TBC1D32: variants seen among roughly 807,000 people sequenced by gnomAD.
The protein encoded by TBC1D32 is protein broad-minded.
In TBC1D32, 151 loss-of-function variants were observed where a neutral mutation model predicts 170.3. The observed-to-expected ratio is 0.89, with a 90% CI of 0.78 to 1.01. The LOEUF is 1.01. TBC1D32 is among the 50% of genes least tolerant of loss of function. The pLI, the probability that TBC1D32 is intolerant of heterozygous loss-of-function variation, is 0.00. For synonymous variants in TBC1D32, 498 were observed against 488.0 expected, an observed-to-expected ratio of 1.02 and a Z score of -0.27; for missense variants, 1,464 against 1,457.1, an observed-to-expected ratio of 1.00 and a Z score of -0.08.
chr6:121,191,759 G>T (rs887275330), intron 22 of TBC1D32, among the ~76,000 whole-genome samples: 8 of 152,182 alleles, frequency 5.3e-5, no homozygotes, highest in Middle Eastern at 3.4e-3. Context: ...TGTCTGTGAG[G>T]GTGTTGCCGA....
intron 26 of TBC1D32, among the ~76,000 whole-genome samples, chr6:121,118,672 G>C (rs1196501050): frequency 6.6e-6 from 1 of 152,120 alleles, no homozygotes; most frequent in East Asian, 1.9e-4. Context: ...CTGGTTGGCT[G>C]CTTACTGACT....
chr6:121,235,085 A>G (rs951532695), intron 20 of TBC1D32, among the ~76,000 whole-genome samples: 9 of 152,242 alleles, frequency 5.9e-5, no homozygotes, highest in African/African-American at 1.9e-4. Context: ...GCAGCTATGG[A>G]TATCAGTACC....
At chr6:121,241,609 A>G (rs1313673912) in intron 18 of TBC1D32, 57 bp from the exon 19 acceptor site, 2 of 1,360,362 alleles carry the variant, frequency 1.5e-6, no homozygotes, top group South Asian at 1.2e-5. Context: ...CATGCTAACT[A>G]GACATTCCTT....
At chr6:121,089,434 T>A (rs1055501186) in intron 31 of TBC1D32, among the ~76,000 whole-genome samples, 2 of 152,186 alleles carry the variant, frequency 1.3e-5, no homozygotes, top group African/African-American at 4.8e-5. Context: ...GAAATTCCTA[T>A]AACTGACCAC....
chr6:121,182,628 C>T (rs1168500294), intron 22 of TBC1D32, among the ~76,000 whole-genome samples: 4 of 151,870 alleles, frequency 2.6e-5, no homozygotes, highest in Admixed American at 6.6e-5. Context: ...TTTTGCTTAA[C>T]CATAATATTA....
chr6:121,190,320 C>T (rs1789821707), intron 22 of TBC1D32, among the ~76,000 whole-genome samples: 1 of 148,268 alleles, frequency 6.7e-6, no homozygotes, highest in African/African-American at 2.5e-5. Context: ...TCCCATGCTC[C>T]CTCCTCCTCC....
At chr6:121,237,710 T>C (rs1161009932) in intron 20 of TBC1D32, among the ~76,000 whole-genome samples, 1 of 152,040 alleles carries the variant, frequency 6.6e-6, no homozygotes, top group Non-Finnish European at 1.5e-5. Flanking sequence ...TTCTTTTACA[T>C]AGTTTTATTT....
At chr6:121,127,372 A>G (rs1780964813) in intron 25 of TBC1D32, among the ~76,000 whole-genome samples, 1 of 152,192 alleles carries the variant, frequency 6.6e-6, no homozygotes, top group Admixed American at 6.5e-5. Flanking sequence ...ATAATATTTT[A>G]ATGGCTTAGG....
At chr6:121,248,087 A>G (rs1051923626) in intron 17 of TBC1D32, among the ~76,000 whole-genome samples, 6 of 152,102 alleles carry the variant, frequency 3.9e-5, no homozygotes, top group African/African-American at 1.4e-4. Flanking sequence ...AAGTCTCAGC[A>G]AATTTAAGAA....
chr6:121,258,603 T>C (rs191338566), intron 15 of TBC1D32, among the ~76,000 whole-genome samples: 29 of 152,278 alleles, frequency 1.9e-4, no homozygotes, highest in Admixed American at 1.8e-3. Flanking sequence ...TTTCATTAGT[T>C]TTCACTTTGT....
chr6:121,143,325 A>C (rs1582946294), intron 24 of TBC1D32, among the ~76,000 whole-genome samples: 2 of 152,292 alleles, frequency 1.3e-5, no homozygotes, highest in African/African-American at 4.8e-5. Flanking sequence ...CTTACATTTT[A>C]ATATGATGAC....
chr6:121,303,240 A>G (rs1002934121), intron 9 of TBC1D32, among the ~76,000 whole-genome samples: 3 of 152,228 alleles, frequency 2.0e-5, no homozygotes, highest in African/African-American at 7.2e-5. Context: ...TAAGCCTGAA[A>G]AAAAATACAT....
intron 25 of TBC1D32, among the ~76,000 whole-genome samples, chr6:121,130,966 GAACT>G (rs1781377166): frequency 6.6e-6 from 1 of 151,872 alleles, no homozygotes; most frequent in Non-Finnish European, 1.5e-5. Context: ...ATTTCTCCAA[GAACT>G]AACAATATAA....
intron 15 of TBC1D32, among the ~76,000 whole-genome samples, chr6:121,259,589 A>G (rs1799501892): frequency 6.6e-6 from 1 of 152,202 alleles, no homozygotes; most frequent in Admixed American, 6.5e-5. Context: ...CCAGTAGGCA[A>G]TAAAACCCCC....
At chr6:121,082,992 C>T (rs914009524) in intron 31 of TBC1D32, among the ~76,000 whole-genome samples, 2 of 151,962 alleles carry the variant, frequency 1.3e-5, no homozygotes, top group African/African-American at 2.4e-5. Context: ...AAAATATCTA[C>T]ATTTTACATT....
intron 19 of TBC1D32, among the ~76,000 whole-genome samples, chr6:121,240,877 CAA>C (rs35249678): frequency 5.9e-5 from 5 of 84,220 alleles, no homozygotes; most frequent in Admixed American, 1.3e-4. Flanking sequence ...TTCTGTCTCA[CAA>C]AAAAAAAAAA....
chr6:121,309,729 C>T (rs1055736637), intron 4 of TBC1D32, among the ~76,000 whole-genome samples: 1 of 152,076 alleles, frequency 6.6e-6, no homozygotes, highest in South Asian at 2.1e-4. Context: ...AATATAATTG[C>T]TTCTCTTAAA....
In TBC1D32 at chr6:121,227,284, C is replaced by G. The variant is rs553460590; in HGVS notation, c.2365-3932G>C. Among the ~76,000 whole-genome samples the G allele has an allele frequency of 2.0e-5, 3 of 152,198 alleles. No homozygotes were observed. In the South Asian group the frequency reaches 6.2e-4, roughly 32 times the overall value. ...TGCTGGTGGAGTGAGAGGGATGTTA[C>G]TTGTTTTTGGATGAGAGAATCAAGC... is the stretch of plus-strand genomic sequence containing the variant. On this transcript the variant is annotated intron_variant, in intron 20 of 31. Coordinates refer to ENST00000398212, the MANE Select transcript of TBC1D32 (RefSeq NM_152730.6).
chr6:121,083,348 A>T (rs1289561373), intron 31 of TBC1D32, among the ~76,000 whole-genome samples: 10 of 152,018 alleles, frequency 6.6e-5, no homozygotes, highest in Admixed American at 6.6e-4. Context: ...TAGGAAGTTC[A>T]TTTTGAGCTT....
Sources: gnomAD v4.1 joint callset for allele counts (sites outside exome capture counted in the v4.1 genomes callset) on GRCh38, gnomAD v4.1.1 for gene constraint, MANE v1.5 for transcripts, NCBI Gene and HGNC (gene_info 2026-07-23, HGNC 2026-07-21) for gene names.